Variants in PARD3 observed in about 807,000 individuals in gnomAD.
The protein encoded by PARD3 is par-3 family cell polarity regulator.
Under a neutral mutation model 155.4 loss-of-function variants are expected in PARD3, and 75 were observed. The observed-to-expected ratio is 0.48, with a 90% CI of 0.40 to 0.58. PARD3 has a LOEUF of 0.58. Among genes scored for constraint, PARD3 ranks in the 20% least tolerant of loss-of-function variants. PARD3 has a pLI of 0.00. For synonymous variants in PARD3, 576 were observed against 610.5 expected, an observed-to-expected ratio of 0.94 and a Z score of 0.83; for missense variants, 1,642 against 1,721.7, an observed-to-expected ratio of 0.95 and a Z score of 0.82.
intron 1 of PARD3, among the ~76,000 whole-genome samples, chr10:34,766,118 A>G (rs904519857): frequency 6.6e-6 from 1 of 152,240 alleles, no homozygotes; most frequent in African/African-American, 2.4e-5. Flanking sequence ...GCATTTATTA[A>G]TGATTCACTG....
chr10:34,334,756 C>A (rs184673767), intron 18 of PARD3, among the ~76,000 whole-genome samples: 14 of 145,856 alleles, frequency 9.6e-5, no homozygotes, highest in South Asian at 4.3e-4. Flanking sequence ...AAAAAAAGTT[C>A]TTTTTCTCTA....
intron 1 of PARD3, among the ~76,000 whole-genome samples, chr10:34,773,359 T>C (rs1027457096): frequency 6.6e-6 from 1 of 152,232 alleles, no homozygotes; most frequent in South Asian, 2.1e-4. Context: ...TGAATAACCG[T>C]GGCTGACTTC....
chr10:34,142,096 C>G (rs1160298390), intron 22 of PARD3, among the ~76,000 whole-genome samples: 1 of 152,116 alleles, frequency 6.6e-6, no homozygotes, highest in Admixed American at 6.6e-5. Flanking sequence ...TCCTCAAGAC[C>G]CTGTGAGGTA....
intron 2 of PARD3, among the ~76,000 whole-genome samples, chr10:34,650,777 C>T (rs966529705): frequency 3.3e-5 from 5 of 152,018 alleles, no homozygotes; most frequent in African/African-American, 9.7e-5. Context: ...TTTGGGAGGC[C>T]GAGGTGGCCG....
intron 22 of PARD3, among the ~76,000 whole-genome samples, chr10:34,210,231 GTA>G (rs1270077020): frequency 1.3e-5 from 2 of 152,208 alleles, no homozygotes; most frequent in Non-Finnish European, 2.9e-5. Flanking sequence ...GTACATGTAT[GTA>G]TGTGTGTGTG....
chr10:34,789,592 T>C (rs969254255), intron 1 of PARD3, among the ~76,000 whole-genome samples: 2 of 151,370 alleles, frequency 1.3e-5, no homozygotes, highest in African/African-American at 4.9e-5. Flanking sequence ...TAGTTCCAGC[T>C]ACTCAGTAGG....
intron 22 of PARD3, among the ~76,000 whole-genome samples, chr10:34,216,890 T>G (rs1480255905): frequency 6.6e-6 from 1 of 152,224 alleles, no homozygotes; most frequent in East Asian, 1.9e-4. Flanking sequence ...GGGTCCACAT[T>G]TTTAGCAAAT....
chr10:34,634,407 T>A (rs1328602009), intron 2 of PARD3, among the ~76,000 whole-genome samples: 1 of 152,122 alleles, frequency 6.6e-6, no homozygotes, highest in African/African-American at 2.4e-5. Flanking sequence ...AAAAAGATAA[T>A]GTTTTCCCTC....
intron 14 of PARD3, among the ~76,000 whole-genome samples, chr10:34,355,286 C>A (rs566107519): frequency 6.6e-5 from 10 of 152,176 alleles, no homozygotes; most frequent in African/African-American, 2.2e-4. Context: ...GGGGACTATA[C>A]CACTGCACTC....
At chr10:34,511,657 CA>C (rs2133562326) in intron 3 of PARD3, among the ~76,000 whole-genome samples, 1 of 101,666 alleles carries the variant, frequency 9.8e-6, no homozygotes, top group East Asian at 5.1e-4. Context: ...TACATATATA[CA>C]AAGTGATTTC....
chr10:34,714,690 T>C (rs186364420), intron 1 of PARD3, among the ~76,000 whole-genome samples: 168 of 152,272 alleles, frequency 1.1e-3, no homozygotes, highest in African/African-American at 3.7e-3. Flanking sequence ...TATGATGGTA[T>C]CTTCAAAAGA....
chr10:34,792,957 T>C (rs367839612), intron 1 of PARD3, among the ~76,000 whole-genome samples: 2 of 152,346 alleles, frequency 1.3e-5, no homozygotes, highest in South Asian at 4.1e-4. Context: ...TACCTTGAAT[T>C]CAACATAATC....
intron 22 of PARD3, among the ~76,000 whole-genome samples, chr10:34,163,555 C>T (rs987234384): frequency 8.5e-5 from 13 of 152,268 alleles, no homozygotes; most frequent in South Asian, 2.1e-4. Context: ...TCCTTTACAG[C>T]GGAACTGGGA....
chr10:34,682,550 T>A (rs944222110), intron 2 of PARD3, among the ~76,000 whole-genome samples: 2 of 152,166 alleles, frequency 1.3e-5, no homozygotes, highest in Admixed American at 1.3e-4. Context: ...CTGGTTTGTT[T>A]GCTCGCTTGT....
chr10:34,666,886 G>C (rs2093498878), intron 2 of PARD3, among the ~76,000 whole-genome samples: 1 of 146,196 alleles, frequency 6.8e-6, no homozygotes, highest in Non-Finnish European at 1.5e-5. Flanking sequence ...TTCTAAACTT[G>C]GCTGGGCACA....
chr10:34,437,223 A>G (rs1395864456), intron 5 of PARD3, among the ~76,000 whole-genome samples: 2 of 152,170 alleles, frequency 1.3e-5, no homozygotes, highest in African/African-American at 4.8e-5. Context: ...ACCTATCATC[A>G]TCAACTCAAA....
At chr10:34,682,962 G>A (rs999280092) in intron 2 of PARD3, among the ~76,000 whole-genome samples, 3 of 152,182 alleles carry the variant, frequency 2.0e-5, no homozygotes, top group African/African-American at 7.2e-5. Context: ...TGGTGGTGAT[G>A]GTGGCCGACA....
intron 22 of PARD3, among the ~76,000 whole-genome samples, chr10:34,238,750 AACTC>A (rs1452566949): frequency 2.0e-5 from 3 of 152,204 alleles, no homozygotes. Context: ...TCTCTCTTCT[AACTC>A]ACTCCACCTC....
intron 20 of PARD3, among the ~76,000 whole-genome samples, chr10:34,316,487 T>A (rs1958012132): frequency 6.6e-6 from 1 of 152,186 alleles, no homozygotes; most frequent in Non-Finnish European, 1.5e-5. Context: ...ACCGAAGTAA[T>A]AAGTACTAAA....
Sources: allele counts gnomAD v4.1 joint callset (sites outside exome capture counted in the v4.1 genomes callset), GRCh38; gene constraint gnomAD v4.1.1; transcripts MANE v1.5; gene names NCBI Gene and HGNC (gene_info 2026-07-23, HGNC 2026-07-21).